GPR15LG: variants seen among roughly 807,000 people sequenced by gnomAD.
GPR15LG encodes protein GPR15LG.
chr10:84,176,601 G>A, the GPR15LG span: 1 of 1,531,994 alleles, frequency 6.5e-7, no homozygotes, highest in Non-Finnish European at 9.0e-7. Flanking sequence ...AGACTGTGGG[G>A]CAGAAGTTCT....
chr10:84,176,477 C>T, the GPR15LG span: 1 of 1,609,350 alleles, frequency 6.2e-7, no homozygotes. Context: ...TGTCCACCCT[C>T]AGGGAAGAGG....
chr10:84,180,549 C>T, the GPR15LG span, among the ~76,000 whole-genome samples: 1 of 152,032 alleles, frequency 6.6e-6, no homozygotes, highest in Non-Finnish European at 1.5e-5. Flanking sequence ...CAGAGACGCT[C>T]CTCACTTCCT....
At chr10:84,183,713 T>C in the GPR15LG span, among the ~76,000 whole-genome samples, 98,552 of 151,730 alleles carry the variant, frequency 0.65, 33,724 homozygotes, top group African/African-American at 0.85. Context: ...GTGGCTCAAT[T>C]ATGGCTCACC....
chr10:84,181,621 A>C, the GPR15LG span, among the ~76,000 whole-genome samples: 11 of 152,002 alleles, frequency 7.2e-5, no homozygotes, highest in East Asian at 1.8e-3. Flanking sequence ...GCGTCTTACT[A>C]TGATGCCCAG....
chr10:84,175,553 G>A, the GPR15LG span, among the ~76,000 whole-genome samples: 3 of 152,206 alleles, frequency 2.0e-5, no homozygotes, highest in Admixed American at 6.5e-5. Flanking sequence ...TGCCCAGGTC[G>A]GAGTGCAGTG....
chr10:84,176,462 C>A, the GPR15LG span: 1 of 1,593,460 alleles, frequency 6.3e-7, no homozygotes, highest in South Asian at 1.1e-5. Flanking sequence ...GTCTCTCTTC[C>A]TTTGTGTCCA....
the GPR15LG span, among the ~76,000 whole-genome samples, chr10:84,183,012 G>A: frequency 6.7e-6 from 1 of 149,822 alleles, no homozygotes; most frequent in Non-Finnish European, 1.5e-5. Context: ...GAAGATCAAA[G>A]CACTTACCAA....
chr10:84,179,207 A>G, the GPR15LG span, among the ~76,000 whole-genome samples: 2 of 152,200 alleles, frequency 1.3e-5, no homozygotes, highest in Non-Finnish European at 2.9e-5. Flanking sequence ...CCCTCTGTGA[A>G]GAGGGAGTTA....
the GPR15LG span, among the ~76,000 whole-genome samples, chr10:84,174,497 T>TC: frequency 6.9e-6 from 1 of 144,118 alleles, no homozygotes. Flanking sequence ...CTTTTTTCTT[T>TC]TTTTTTTTTT....
the GPR15LG span, chr10:84,176,624 G>A: frequency 1.5e-6 from 2 of 1,290,880 alleles, no homozygotes; most frequent in Non-Finnish European, 2.3e-6. Flanking sequence ...AGTGGCCATG[G>A]GACCAGCCAC....
chr10:84,181,240 A>T, the GPR15LG span, among the ~76,000 whole-genome samples: 5,674 of 117,916 alleles, frequency 0.048, 281 homozygotes, highest in Middle Eastern at 0.092. Flanking sequence ...AAAAAATTAA[A>T]TTTTTTTTTT....
chr10:84,185,163 C>A, the GPR15LG span: 1 of 874,380 alleles, frequency 1.1e-6, no homozygotes, highest in Middle Eastern at 5.4e-4. Flanking sequence ...GTCCATTCAG[C>A]CTCCTGGCAT....
At chr10:84,182,098 A>G in the GPR15LG span, among the ~76,000 whole-genome samples, 1 of 152,236 alleles carries the variant, frequency 6.6e-6, no homozygotes, top group East Asian at 1.9e-4. Flanking sequence ...CTCCCTCGCC[A>G]TAGGGTTGTC....
the GPR15LG span, among the ~76,000 whole-genome samples, chr10:84,180,677 G>GAAGTTCCTCACTTCAA: frequency 1.8e-4 from 28 of 152,322 alleles, no homozygotes; most frequent in African/African-American, 6.7e-4. Flanking sequence ...TCACTTCCTA[G>GAAGTTCCTCACTTCAA]ACGGGGTGGC....
chr10:84,176,702 G>T, the GPR15LG span: 1 of 622,992 alleles, frequency 1.6e-6, no homozygotes, highest in African/African-American at 1.9e-5. Flanking sequence ...TTGTTTTGTT[G>T]ATTAATTTGT....
At chr10:84,178,456 A>G in the GPR15LG span, among the ~76,000 whole-genome samples, 2 of 151,854 alleles carry the variant, frequency 1.3e-5, no homozygotes, top group Non-Finnish European at 2.9e-5. Flanking sequence ...ATAAATACAT[A>G]CACACAAATA....
At chr10:84,180,956 C>T in the GPR15LG span, among the ~76,000 whole-genome samples, 761 of 152,342 alleles carry the variant, frequency 5.0e-3, 7 homozygotes, top group African/African-American at 0.017. Context: ...TGTGGCAGCA[C>T]GCGCCTGCAA....
At chr10:84,176,660 G>A in the GPR15LG span, 5 of 854,038 alleles carry the variant, frequency 5.9e-6, no homozygotes, top group Admixed American at 4.7e-5. Context: ...CCCACCCATG[G>A]CTGGCATCAG....
At chr10:84,175,036 C>T in the GPR15LG span, among the ~76,000 whole-genome samples, 2 of 151,990 alleles carry the variant, frequency 1.3e-5, no homozygotes, top group Admixed American at 6.5e-5. Flanking sequence ...ATTGATGTAC[C>T]TATATGTTCA....
Sources: gnomAD v4.1 joint callset for allele counts (sites outside exome capture counted in the v4.1 genomes callset) on GRCh38, gnomAD v4.1.1 for gene constraint, MANE v1.5 for transcripts, NCBI Gene and HGNC (gene_info 2026-07-23, HGNC 2026-07-21) for gene names.